SEMA6D: variants seen among roughly 807,000 people sequenced by gnomAD.
SEMA6D encodes semaphorin-6D.
In SEMA6D, 35 loss-of-function variants were observed where a neutral mutation model predicts 106.6. That is an observed-to-expected ratio of 0.33 (90% CI 0.25 to 0.44). The LOEUF (loss-of-function observed/expected upper bound fraction) is 0.44, where lower values mean the gene tolerates loss of function less well. SEMA6D is among the 20% of genes least tolerant of loss of function. The probability of loss-of-function intolerance (pLI) is 1.00; values close to 1 mark genes in which losing one functional copy is unlikely to be tolerated. For synonymous variants in SEMA6D, 499 were observed against 487.7 expected, an observed-to-expected ratio of 1.02 and a Z score of -0.31; for missense variants, 1,185 against 1,345.9, an observed-to-expected ratio of 0.88 and a Z score of 1.87.
At position 47,603,726 on chromosome 15, in the gene SEMA6D, C is replaced by T. The variant is rs78546818; in HGVS notation, c.-55+2830C>T. On this transcript the variant is annotated intron_variant, in intron 4 of 19. Transcript: ENST00000558014. The stretch of plus-strand genomic sequence containing the variant: ...TATTCTTATTAAGTCCCCTCCCCCT[C>T]GCCCCGATTATTTCCTTCTGTTGAT... 8.8e-3 allele frequency among the ~76,000 whole-genome samples: 1,339 copies of T among 152,110 alleles called. 14 individuals carry two copies. Among genetic ancestry groups the T allele is most frequent in the African/African-American group, 0.029 (1,211 of 41,484 alleles).
At chr15:47,766,075 C>A in intron 14 of SEMA6D, 30 bp from the exon 15 acceptor site, 2 of 1,612,924 alleles carry the variant, frequency 1.2e-6, no homozygotes, top group Non-Finnish European at 8.5e-7. Flanking sequence ...ATGAGAAAAT[C>A]CAAGTTACAT....
intron 3 of SEMA6D, among the ~76,000 whole-genome samples, chr15:47,587,121 T>C (rs1019929789): frequency 6.6e-6 from 1 of 152,128 alleles, no homozygotes; most frequent in Non-Finnish European, 1.5e-5. Context: ...AGGAAGCCTC[T>C]TTCTGGGGCT....
chr15:47,341,625 G>A (rs1358460881), intron 1 of SEMA6D, among the ~76,000 whole-genome samples: 2 of 152,096 alleles, frequency 1.3e-5, no homozygotes, highest in Non-Finnish European at 2.9e-5. Context: ...AAGTTGAGAT[G>A]TGACTGAGTA....
intron 3 of SEMA6D, among the ~76,000 whole-genome samples, chr15:47,531,678 T>C (rs1249940580): frequency 1.3e-5 from 2 of 152,228 alleles, no homozygotes; most frequent in Non-Finnish European, 2.9e-5. Context: ...CCCCCCAGAC[T>C]CATCCCCTCC....
At chr15:47,374,766 A>C (rs1344431234) in intron 1 of SEMA6D, among the ~76,000 whole-genome samples, 1 of 152,206 alleles carries the variant, frequency 6.6e-6, no homozygotes, top group African/African-American at 2.4e-5. Flanking sequence ...TTAGGGCTAG[A>C]TGCCTTATTA....
intron 2 of SEMA6D, among the ~76,000 whole-genome samples, chr15:47,463,281 G>C (rs550569430): frequency 6.6e-6 from 1 of 152,204 alleles, no homozygotes; most frequent in African/African-American, 2.4e-5. Flanking sequence ...TGTTCAAGCT[G>C]GTCCTTCACA....
Position 47,764,994 on chromosome 15 carries a change from C to T in SEMA6D, c.1365C>T (p.Thr455=). ...TGGTACTTAAAGTTCTGGCAAAGACCAGTCCTTTCTCTTTGAACGACAGCG... is the reference window on the plus strand; with the variant it reads ...TGGTACTTAAAGTTCTGGCAAAGACTAGTCCTTTCTCTTTGAACGACAGCG... ...AGMVLKVLAK[T]SPFSLNDSVL... The change falls in exon 13 of 19, where the codon ACC becomes ACT. Residue 455 remains threonine (T), a synonymous_variant. Transcript: ENST00000536845. 6.2e-7 allele frequency: 1 copy of T among 1,613,910 alleles called. No homozygotes were observed. The highest frequency in any genetic ancestry group is 8.5e-7 in the Non-Finnish European group (1 of 1,179,832).
At chr15:47,466,030 A>AC (rs2042647850) in intron 2 of SEMA6D, among the ~76,000 whole-genome samples, 2 of 152,198 alleles carry the variant, frequency 1.3e-5, no homozygotes, top group African/African-American at 2.4e-5. Flanking sequence ...TAGGTGGTAT[A>AC]ATTGACAAAT....
chr15:47,758,176 T>C (rs181020426), intron 1 of SEMA6D, among the ~76,000 whole-genome samples: 1 of 152,310 alleles, frequency 6.6e-6, no homozygotes, highest in East Asian at 1.9e-4. Context: ...TATTCTCTTT[T>C]TGAAAAACTG....
chr15:47,445,885 C>G (rs2042013529), intron 2 of SEMA6D, among the ~76,000 whole-genome samples: 1 of 152,046 alleles, frequency 6.6e-6, no homozygotes, highest in African/African-American at 2.4e-5. Flanking sequence ...GACAGCTCAC[C>G]TCGGACGCAG....
At chr15:47,753,336 T>C (rs1164748974) in intron 1 of SEMA6D, among the ~76,000 whole-genome samples, 3 of 152,206 alleles carry the variant, frequency 2.0e-5, no homozygotes, top group East Asian at 1.9e-4. Flanking sequence ...TCTCAACTAG[T>C]GCTCAGCTGC....
At chr15:47,661,228 C>G (rs1374304600) in intron 4 of SEMA6D, among the ~76,000 whole-genome samples, 1 of 152,198 alleles carries the variant, frequency 6.6e-6, no homozygotes, top group Non-Finnish European at 1.5e-5. Flanking sequence ...TGGCTTGACT[C>G]TATTTGGTTT....
intron 3 of SEMA6D, among the ~76,000 whole-genome samples, chr15:47,534,726 A>G (rs1013635872): frequency 2.6e-5 from 4 of 152,046 alleles, no homozygotes; most frequent in Admixed American, 1.3e-4. Context: ...ACATGGAAGA[A>G]TTACTTTTTC....
intron 1 of SEMA6D, chr15:47,185,643 A>T (rs1308707642): frequency 3.3e-5 from 5 of 151,996 alleles, no homozygotes; most frequent in African/African-American, 1.2e-4. Flanking sequence ...GTAGACGTCC[A>T]TTGCTCCCCC....
rs550703338 is a variant in SEMA6D, at chr15:47,561,241, A to G, written c.-86-39624A>G. ...AAAGGAGAAAATCTTGAAAGCAGCA[A>G]AAGAAAAATGATCCATCACATACAG... is the stretch of plus-strand genomic sequence containing the variant. On this transcript the variant is annotated intron_variant, in intron 3 of 19. Coordinates refer to the SEMA6D transcript ENST00000558014. 3.3e-5 allele frequency among the ~76,000 whole-genome samples: 5 copies of G among 152,054 alleles called. No individual in the cohort carries two copies. The East Asian group carries it at 7.7e-4, about 23-fold the overall frequency.
intron 2 of SEMA6D, among the ~76,000 whole-genome samples, chr15:47,415,322 G>C (rs1738392373): frequency 6.6e-6 from 1 of 152,134 alleles, no homozygotes; most frequent in Admixed American, 6.6e-5. Flanking sequence ...TACTCCAAAT[G>C]AGAGTATGGG....
chr15:47,530,121 G>T (rs1283434492), intron 3 of SEMA6D, among the ~76,000 whole-genome samples: 1 of 152,216 alleles, frequency 6.6e-6, no homozygotes, highest in Non-Finnish European at 1.5e-5. Context: ...GGGCTGAGAA[G>T]ATGCTCTTTT....
intron 3 of SEMA6D, among the ~76,000 whole-genome samples, chr15:47,590,151 C>T (rs919477242): frequency 1.3e-5 from 2 of 152,022 alleles, no homozygotes; most frequent in African/African-American, 2.4e-5. Flanking sequence ...CAATGATAGA[C>T]TGGATTAAGA....
At chr15:47,639,951 T>C (rs189824418) in intron 4 of SEMA6D, among the ~76,000 whole-genome samples, 1 of 152,244 alleles carries the variant, frequency 6.6e-6, no homozygotes. Context: ...CAAAAAGACA[T>C]TGGGTAAAAA....
Sources: allele counts gnomAD v4.1 joint callset (sites outside exome capture counted in the v4.1 genomes callset), GRCh38; gene constraint gnomAD v4.1.1; transcripts MANE v1.5; gene names NCBI Gene and HGNC (gene_info 2026-07-23, HGNC 2026-07-21).